The following RANBP2 variants were observed in gnomAD, a reference collection of about 807,000 sequenced individuals.
The protein encoded by RANBP2 is RAN binding protein 2.
Under a neutral mutation model 303.6 loss-of-function variants are expected in RANBP2, and 57 were observed. The observed-to-expected ratio is 0.19, with a 90% CI of 0.15 to 0.23. The LOEUF is 0.23. Ranked by LOEUF, RANBP2 falls within the 10% of genes least tolerant of loss-of-function variation. RANBP2 has a pLI of 1.00. For missense variants in RANBP2, 3,138 were observed against 3,780.8 expected, an observed-to-expected ratio of 0.83 and a Z score of 4.46; for synonymous variants, 1,167 against 1,301.5, an observed-to-expected ratio of 0.90 and a Z score of 2.23.
At chr2:108,984,846 C>T in the RANBP2 span, among the ~76,000 whole-genome samples, 1 of 152,152 alleles carries the variant, frequency 6.6e-6, no homozygotes, top group Admixed American at 6.5e-5. Flanking sequence ...AGCAGATGCC[C>T]AGAAAACATT....
At chr2:109,096,949 A>G in the RANBP2 span, among the ~76,000 whole-genome samples, 1 of 152,016 alleles carries the variant, frequency 6.6e-6, no homozygotes, top group Non-Finnish European at 1.5e-5. Context: ...ACTCCCTGTG[A>G]TTCCGTCTCT....
At chr2:109,558,241 A>G in the RANBP2 span, among the ~76,000 whole-genome samples, 1 of 152,220 alleles carries the variant, frequency 6.6e-6, no homozygotes, top group Non-Finnish European at 1.5e-5. Context: ...TTTGTGTTTC[A>G]AGTACAGTTC....
At chr2:108,993,062 C>T in the RANBP2 span, among the ~76,000 whole-genome samples, 1 of 152,168 alleles carries the variant, frequency 6.6e-6, no homozygotes, top group Non-Finnish European at 1.5e-5. Context: ...CCACACCTTC[C>T]TAGGCTTGCA....
chr2:108,728,628 GA>G (rs1694930259), intron 1 of RANBP2, among the ~76,000 whole-genome samples: 1 of 150,910 alleles, frequency 6.6e-6, no homozygotes, highest in South Asian at 2.1e-4. Context: ...TGATGATGAT[GA>G]TGATGATGAT....
the RANBP2 span, among the ~76,000 whole-genome samples, chr2:109,304,576 C>T: frequency 5.9e-5 from 9 of 152,294 alleles, no homozygotes; most frequent in Admixed American, 1.3e-4. Context: ...CTGCACCCGT[C>T]GGCACTGCCC....
chr2:109,392,103 A>C, the RANBP2 span, among the ~76,000 whole-genome samples: 2 of 152,252 alleles, frequency 1.3e-5, no homozygotes, highest in African/African-American at 4.8e-5. Context: ...AACATGAGCC[A>C]CTGTGCCTAG....
chr2:109,144,045 G>A, the RANBP2 span, among the ~76,000 whole-genome samples: 1 of 152,020 alleles, frequency 6.6e-6, no homozygotes, highest in Non-Finnish European at 1.5e-5. Context: ...ACGAGGCGCC[G>A]GAAGTGTGGG....
the RANBP2 span, among the ~76,000 whole-genome samples, chr2:109,227,886 C>T: frequency 6.6e-6 from 1 of 152,248 alleles, no homozygotes; most frequent in African/African-American, 2.4e-5. Context: ...TCTGCAACTG[C>T]AGTTCCCTGT....
the RANBP2 span, among the ~76,000 whole-genome samples, chr2:109,365,275 C>A: frequency 6.6e-6 from 1 of 152,172 alleles, no homozygotes; most frequent in African/African-American, 2.4e-5. Context: ...AAGGTGTGGG[C>A]CCCCCAGTGA....
At chr2:109,026,362 C>T in the RANBP2 span, among the ~76,000 whole-genome samples, 3 of 140,684 alleles carry the variant, frequency 2.1e-5, no homozygotes, top group Admixed American at 7.9e-5. Context: ...CTCCTAGGCT[C>T]AAGCGATCTT....
At chr2:109,106,075 A>G in the RANBP2 span, among the ~76,000 whole-genome samples, 14 of 147,752 alleles carry the variant, frequency 9.5e-5, no homozygotes, top group Non-Finnish European at 1.9e-4. Context: ...GTTAGCTAAG[A>G]TGGTCTAGAT....
At chr2:109,281,361 G>A in the RANBP2 span, among the ~76,000 whole-genome samples, 1 of 152,184 alleles carries the variant, frequency 6.6e-6, no homozygotes, top group Non-Finnish European at 1.5e-5. Context: ...CTACTCTTGG[G>A]ACTTGGAAAG....
the RANBP2 span, among the ~76,000 whole-genome samples, chr2:109,393,637 C>G: frequency 6.6e-6 from 1 of 152,066 alleles, no homozygotes; most frequent in African/African-American, 2.4e-5. Context: ...CCTTGGCTTC[C>G]TGGATTTCCA....
At chr2:108,955,960 T>C in the RANBP2 span, among the ~76,000 whole-genome samples, 3 of 150,084 alleles carry the variant, frequency 2.0e-5, no homozygotes, top group Non-Finnish European at 4.5e-5. Context: ...ACCCAGGAGG[T>C]GGAGCTTGCA....
chr2:108,818,439 A>C, the RANBP2 span, among the ~76,000 whole-genome samples: 2 of 152,216 alleles, frequency 1.3e-5, no homozygotes, highest in East Asian at 3.8e-4. Flanking sequence ...TTGTCTGTTG[A>C]CATGTTCAGG....
the RANBP2 span, chr2:108,896,883 G>A: frequency 1.2e-6 from 2 of 1,602,086 alleles, no homozygotes; most frequent in Non-Finnish European, 1.7e-6. Flanking sequence ...CTTGTCCTGG[G>A]AGGACAGCCC....
chr2:109,700,768 A>G, the RANBP2 span, among the ~76,000 whole-genome samples: 4 of 152,102 alleles, frequency 2.6e-5, no homozygotes, highest in Admixed American at 2.6e-4. Flanking sequence ...TGCAAACACA[A>G]AACTTCTAAT....
the RANBP2 span, among the ~76,000 whole-genome samples, chr2:109,036,006 A>G: frequency 6.6e-6 from 1 of 152,232 alleles, no homozygotes; most frequent in Non-Finnish European, 1.5e-5. Context: ...CAAGTTGAAG[A>G]TAGAACTTAG....
chr2:108,882,194 C>G, the RANBP2 span: 1 of 151,724 alleles, frequency 6.6e-6, no homozygotes, highest in Non-Finnish European at 1.5e-5. Context: ...GATTACAGAT[C>G]ACCATGACAG....
Sources: gnomAD v4.1 joint callset for allele counts (sites outside exome capture counted in the v4.1 genomes callset) on GRCh38, gnomAD v4.1.1 for gene constraint, MANE v1.5 for transcripts, NCBI Gene and HGNC (gene_info 2026-07-23, HGNC 2026-07-21) for gene names.